GAK: variants seen among roughly 807,000 people sequenced by gnomAD.
The protein encoded by GAK is cyclin-G-associated kinase.
GAK carries 79 observed loss-of-function variants against 143.9 expected under a neutral mutation model. The ratio of observed to expected loss-of-function variants is 0.55; its 90% CI spans 0.46 to 0.66. GAK has a LOEUF of 0.66. Among genes scored for constraint, GAK ranks in the 30% least tolerant of loss-of-function variants. GAK has a pLI of 0.00. For synonymous variants in GAK, 881 were observed against 765.5 expected, an observed-to-expected ratio of 1.15 and a Z score of -2.49; for missense variants, 1,693 against 1,779.7, an observed-to-expected ratio of 0.95 and a Z score of 0.88.
intron 26 of GAK, 92 bp from the exon 27 acceptor site, chr4:850,160 C>T: frequency 1.5e-6 from 2 of 1,309,230 alleles, no homozygotes; most frequent in South Asian, 3.0e-5. Context: ...TGAGGAAGTG[C>T]CTGGTCACGT....
At position 868,575 on chromosome 4, in the gene GAK, C is replaced by A. The variant is rs34585705; in HGVS notation, c.2359G>T (p.Asp787Tyr). 0.012 allele frequency: 18,963 copies of A among 1,606,950 alleles called. 149 individuals carry two copies. Among genetic ancestry groups the A allele is most frequent in the Middle Eastern group, 0.022 (130 of 6,016 alleles). The change falls in exon 20 of 28, where the codon GAC becomes TAC. Residue 787 changes from aspartate to tyrosine, a missense_variant. By Grantham distance (160) the Asp-to-Tyr change is radical. Around this residue, in one of 2 missense-constraint regions of GAK, gnomAD observed 822 missense variants for 788.7 expected, o/e 1.04. Transcript: ENST00000314167. The part of the protein sequence containing the change: ...DSDSPPSSSA[D>Y]ASRFLHTLDW... The stretch of plus-strand genomic sequence containing the variant: ...AGCGTGTGCAGGAAGCGACTGGCGT[C>A]CGCGCTGCTGCTTGGCGGTGAGTCA...
intron 9 of GAK, 66 bp downstream of exon 9, chr4:893,311 T>G: frequency 8.6e-7 from 1 of 1,169,454 alleles, no homozygotes; most frequent in Non-Finnish European, 1.2e-6. Context: ...CTGCGGGGGA[T>G]CTGGGGCTCA....
intron 2 of GAK, among the ~76,000 whole-genome samples, chr4:913,087 G>C (rs1722322646): frequency 6.6e-6 from 1 of 152,234 alleles, no homozygotes; most frequent in Non-Finnish European, 1.5e-5. Context: ...ATGCTCTGCA[G>C]ACACGGGGGC....
chr4:863,365 C>T (rs371806570), intron 23 of GAK, among the ~76,000 whole-genome samples: 1 of 152,180 alleles, frequency 6.6e-6, no homozygotes, highest in East Asian at 1.9e-4. Flanking sequence ...GGTGAAGATG[C>T]TGTGAACACT....
intron 4 of GAK, among the ~76,000 whole-genome samples, chr4:909,144 G>C (rs905201573): frequency 1.3e-5 from 2 of 152,222 alleles, no homozygotes; most frequent in African/African-American, 4.8e-5. Flanking sequence ...ACCGTGCCTG[G>C]CCTAACTCTG....
chr4:923,030 C>T (rs1406696393), intron 1 of GAK, among the ~76,000 whole-genome samples: 5 of 152,084 alleles, frequency 3.3e-5, no homozygotes, highest in East Asian at 1.9e-4. Context: ...CTGCATCCTT[C>T]GAATGACAAA....
intron 4 of GAK, among the ~76,000 whole-genome samples, chr4:907,923 G>A (rs1462602976): frequency 6.6e-6 from 1 of 152,108 alleles, no homozygotes; most frequent in Non-Finnish European, 1.5e-5. Context: ...GAGGGGCTGG[G>A]CCCGGCCCCT....
chr4:858,486 A>G (rs1229536762), intron 24 of GAK, among the ~76,000 whole-genome samples: 2 of 152,304 alleles, frequency 1.3e-5, no homozygotes, highest in African/African-American at 4.8e-5. Context: ...TCTCCTCCCG[A>G]GGGCACGGCC....
intron 23 of GAK, 44 bp from the exon 24 acceptor site, chr4:859,766 C>T (rs1358309555): frequency 8.0e-6 from 11 of 1,378,832 alleles, no homozygotes; most frequent in African/African-American, 2.9e-5. Context: ...CCATCTGAAG[C>T]GAAACACATC....
At chr4:859,776 C>T in intron 23 of GAK, 54 bp from the exon 24 acceptor site, 1 of 1,243,354 alleles carries the variant, frequency 8.0e-7, no homozygotes, top group Non-Finnish European at 1.1e-6. Context: ...CGAAACACAT[C>T]CTCCTGGGAC....
rs1718236759 is a variant in GAK, at chr4:894,071, T to C, written c.742-62A>G. 4 of 1,449,460 alleles carry C rather than the reference T, an allele frequency of 2.8e-6. 1 individual carries two copies. Among genetic ancestry groups the C allele is most frequent in the East Asian group, 5.3e-5 (2 of 37,906 alleles). 89.8% of individuals were successfully genotyped at this position (1,449,460 alleles called of 1,614,324 possible). On this transcript the variant is annotated intron_variant, in intron 7 of 27. Coordinates refer to ENST00000314167, the MANE Select transcript of GAK (RefSeq NM_005255.4). ...GGAGCGCAGGGGTGACGCCTGGGCC[T>C]GCGGGGAGAGCAGGGGTGATGCCCA... is the stretch of plus-strand genomic sequence containing the variant.
chr4:882,907 G>A (rs970423355), intron 13 of GAK, 88 bp from the exon 14 acceptor site: 24 of 1,518,770 alleles, frequency 1.6e-5, no homozygotes, highest in African/African-American at 4.1e-5. Context: ...CCTGCAGTGC[G>A]GGGGCCTCCG....
At chr4:893,549 G>T in intron 8 of GAK, 60 bp from the exon 9 acceptor site, 1 of 1,266,912 alleles carries the variant, frequency 7.9e-7, no homozygotes, top group Non-Finnish European at 1.1e-6. Context: ...AGCACCCCCT[G>T]CACTGGCAGA....
rs561555972 is a variant in GAK, at chr4:864,854, A to T, written c.3166+268T>A. 5.3e-5 allele frequency among the ~76,000 whole-genome samples: 8 copies of T among 152,254 alleles called. No individual in the cohort carries two copies. The East Asian group carries it at 1.5e-3, about 29-fold the overall frequency. On this transcript the variant is annotated intron_variant, in intron 23 of 27. Transcript: ENST00000314167. ...AGACGCCCTGCCGGGTGGGAGGAGG[A>T]CCCTTCGGGGGTGCTGCTGATGCTC...
intron 19 of GAK, 83 bp downstream of exon 19, chr4:870,628 T>C: frequency 2.8e-6 from 4 of 1,453,030 alleles, no homozygotes; most frequent in South Asian, 1.2e-5. Context: ...GGCCCAGCCC[T>C]GCCAGAGCTC....
At chr4:883,508 C>G (rs188714128) in intron 12 of GAK, 45 bp from the exon 13 acceptor site, 3 of 1,603,498 alleles carry the variant, frequency 1.9e-6, no homozygotes, top group African/African-American at 1.3e-5. Context: ...ATGCGCACCT[C>G]GTGGCCAGGC....
At chr4:865,009 C>T in intron 23 of GAK, 113 bp downstream of exon 23, 1 of 1,386,392 alleles carries the variant, frequency 7.2e-7, no homozygotes, top group East Asian at 2.5e-5. Context: ...ACGCCCCAGC[C>T]CTTCCTTCCT....
chr4:908,012 A>G (rs1018444695), intron 4 of GAK, among the ~76,000 whole-genome samples: 1 of 152,152 alleles, frequency 6.6e-6, no homozygotes, highest in Non-Finnish European at 1.5e-5. Flanking sequence ...CCTCGTGCAC[A>G]TATCCTGGGA....
chr4:877,793 A>G lies in GAK; in HGVS notation c.1678T>C (p.Cys560Arg). ...ATGGGCTCCTCCGCCACCATGTCAC[A>G]CATGTACTCGATGTACCTGGGGGCA... is the stretch of plus-strand genomic sequence containing the variant. ...PSHKRYIEYM[C>R]DMVAEEPITP... Residue 560 changes from cysteine (C) to arginine (R), a missense_variant, in exon 16 of 28, where the codon TGT (cysteine) becomes CGT (arginine). This residue lies in a region of GAK where 871 missense variants were observed against 991.0 expected (regional missense o/e 0.88). Coordinates refer to ENST00000314167, the MANE Select transcript of GAK (RefSeq NM_005255.4). The G allele has an allele frequency of 6.2e-7, 1 of 1,603,258 alleles. No individual in the cohort carries two copies. The highest frequency in any genetic ancestry group is 8.5e-7 in the Non-Finnish European group (1 of 1,174,286).
Sources: allele counts gnomAD v4.1 joint callset (sites outside exome capture counted in the v4.1 genomes callset), GRCh38; gene constraint gnomAD v4.1.1; regional missense constraint gnomAD v4.1.1; transcripts MANE v1.5; gene names NCBI Gene and HGNC (gene_info 2026-07-23, HGNC 2026-07-21).